The following LRP1B variants were observed in gnomAD, a reference collection of about 807,000 sequenced individuals.
The protein encoded by LRP1B is LDL receptor related protein 1B.
LRP1B carries 217 observed loss-of-function variants against 556.6 expected under a neutral mutation model. The observed-to-expected ratio is 0.39, with a 90% CI of 0.35 to 0.44. The LOEUF (loss-of-function observed/expected upper bound fraction) is 0.44, where lower values mean the gene tolerates loss of function less well. LRP1B is among the 20% of genes least tolerant of loss of function. The probability of loss-of-function intolerance (pLI) is 1.00; values close to 1 mark genes in which losing one functional copy is unlikely to be tolerated. For synonymous variants in LRP1B, 2,047 were observed against 1,865.8 expected (o/e 1.10, Z -2.50); for missense variants, 5,053 against 5,620.8 (o/e 0.90, Z 3.23).
At chr2:141,128,674 G>A (rs764437948) in intron 7 of LRP1B, among the ~76,000 whole-genome samples, 1 of 151,684 alleles carries the variant, frequency 6.6e-6, no homozygotes, top group African/African-American at 2.4e-5. Context: ...AGGCTGGAGT[G>A]CGATGGCGTG....
intron 7 of LRP1B, among the ~76,000 whole-genome samples, chr2:141,175,086 G>A (rs1345116558): frequency 1.3e-5 from 2 of 152,088 alleles, no homozygotes; most frequent in Non-Finnish European, 2.9e-5. Context: ...AAGCAGCAAA[G>A]CATTCAAGAT....
At chr2:141,934,208 A>T (rs1373754365) in intron 1 of LRP1B, among the ~76,000 whole-genome samples, 1 of 152,134 alleles carries the variant, frequency 6.6e-6, no homozygotes, top group Non-Finnish European at 1.5e-5. Context: ...AAAATAAATC[A>T]ATAGGAATCA....
chr2:140,236,787 T>G (rs1383690545), intron 89 of LRP1B, among the ~76,000 whole-genome samples: 1 of 150,902 alleles, frequency 6.6e-6, no homozygotes, highest in Non-Finnish European at 1.5e-5. Flanking sequence ...ATTTTGATAA[T>G]AAAGTACTGT....
Position 140,701,770 on chromosome 2 carries a change from A to G in LRP1B, c.6378T>C (p.Leu2126=), listed in dbSNP as rs1010613623. The change falls in exon 40 of 91, where the codon CTT becomes CTC. Residue 2126 remains leucine, a synonymous_variant. Coordinates refer to ENST00000389484, the MANE Select transcript of LRP1B (RefSeq NM_018557.3). ...ATETITMRTG[L]GVNLKEVKIF... ...TTTTAACCTCCTTCAGGTTGACTCC[A>G]AGGCCGGTTCTCATGGTTATCGTTT... The G allele has an allele frequency of 2.5e-6, 4 of 1,613,094 alleles. No homozygotes were observed. The highest frequency in any genetic ancestry group is 3.4e-6 in the Non-Finnish European group (4 of 1,179,374).
intron 3 of LRP1B, among the ~76,000 whole-genome samples, chr2:141,371,995 G>T (rs898097089): frequency 5.9e-5 from 9 of 151,996 alleles, no homozygotes; most frequent in African/African-American, 2.2e-4. Context: ...TATGATGTTG[G>T]CTGTGGGTTT....
intron 72 of LRP1B, among the ~76,000 whole-genome samples, chr2:140,361,380 A>ATATAC (rs1553454115): frequency 1.6e-5 from 2 of 128,828 alleles, no homozygotes; most frequent in African/African-American, 5.7e-5. Context: ...ATATATATAT[A>ATATAC]ACAAAAATAA....
At chr2:140,674,772 T>C (rs545747984) in intron 41 of LRP1B, among the ~76,000 whole-genome samples, 2 of 152,378 alleles carry the variant, frequency 1.3e-5, no homozygotes, top group South Asian at 4.1e-4. Context: ...ACCTCTTTAA[T>C]AGAGGTTAAA....
chr2:140,389,126 A>G (rs1427854296), intron 66 of LRP1B, among the ~76,000 whole-genome samples: 1 of 136,884 alleles, frequency 7.3e-6, no homozygotes, highest in Non-Finnish European at 1.6e-5. Context: ...TGGAGAAAAC[A>G]AATATGGAAC....
At chr2:140,711,007 G>T (rs922807565) in intron 37 of LRP1B, among the ~76,000 whole-genome samples, 1 of 151,978 alleles carries the variant, frequency 6.6e-6, no homozygotes, top group Non-Finnish European at 1.5e-5. Flanking sequence ...TCATTGAAAG[G>T]AACAAATTAA....
intron 3 of LRP1B, among the ~76,000 whole-genome samples, chr2:141,255,510 A>G (rs1328161656): frequency 6.6e-6 from 1 of 152,084 alleles, no homozygotes; most frequent in Admixed American, 6.6e-5. Flanking sequence ...AATATGTAAA[A>G]GAACACCTGA....
At chr2:140,556,801 A>C (rs996739542) in intron 43 of LRP1B, among the ~76,000 whole-genome samples, 1 of 151,966 alleles carries the variant, frequency 6.6e-6, no homozygotes, top group Non-Finnish European at 1.5e-5. Flanking sequence ...ACTGGAGGTT[A>C]TATCTAAAAT....
chr2:141,145,084 A>G (rs73962830), intron 7 of LRP1B, among the ~76,000 whole-genome samples: 2,973 of 152,322 alleles, frequency 0.02, 88 homozygotes, highest in African/African-American at 0.068. Context: ...ACAGTTAAAA[A>G]TTTAAGAAAC....
intron 35 of LRP1B, among the ~76,000 whole-genome samples, chr2:140,724,926 G>T (rs1687539084): frequency 6.6e-6 from 1 of 152,172 alleles, no homozygotes; most frequent in Admixed American, 6.5e-5. Context: ...TTAAAGGTCA[G>T]AAATATAAGC....
At chr2:140,745,317 A>G (rs1329367973) in intron 35 of LRP1B, among the ~76,000 whole-genome samples, 1 of 152,192 alleles carries the variant, frequency 6.6e-6, no homozygotes, top group East Asian at 1.9e-4. Flanking sequence ...AAGTCAATAT[A>G]TAAGTCCGAT....
intron 2 of LRP1B, among the ~76,000 whole-genome samples, chr2:141,695,999 AT>A (rs1691722513): frequency 6.6e-6 from 1 of 151,996 alleles, no homozygotes; most frequent in Non-Finnish European, 1.5e-5. Flanking sequence ...GTGAAAAAAA[AT>A]CTTGTATATC....
intron 20 of LRP1B, among the ~76,000 whole-genome samples, chr2:140,933,943 A>T (rs1185385188): frequency 1.5e-5 from 2 of 135,580 alleles, no homozygotes; most frequent in Non-Finnish European, 3.3e-5. Context: ...TGACCTTTAA[A>T]GCGTTATTTT....
At chr2:141,088,187 T>G (rs193199292) in intron 7 of LRP1B, among the ~76,000 whole-genome samples, 97 of 152,266 alleles carry the variant, frequency 6.4e-4, no homozygotes, top group African/African-American at 2.3e-3. Context: ...TATAATCCAG[T>G]AAGAAGTATT....
chr2:141,131,407 T>TTATATATATATATGTATATATATATA (rs1701350312), intron 7 of LRP1B, among the ~76,000 whole-genome samples: 1 of 110,684 alleles, frequency 9.0e-6, no homozygotes, highest in Non-Finnish European at 1.8e-5. Context: ...ATGCATAAAG[T>TTATATATATATATGTATATATATATA]TATATATATA....
At chr2:141,039,535 T>C (rs1310603740) in intron 11 of LRP1B, among the ~76,000 whole-genome samples, 6 of 151,996 alleles carry the variant, frequency 3.9e-5, no homozygotes, top group Admixed American at 3.9e-4. Flanking sequence ...TACCATGTAT[T>C]TTCACCTTCT....
Sources: allele counts gnomAD v4.1 joint callset (sites outside exome capture counted in the v4.1 genomes callset), GRCh38; gene constraint gnomAD v4.1.1; transcripts MANE v1.5; gene names NCBI Gene and HGNC (gene_info 2026-07-23, HGNC 2026-07-21).